The following PLEKHA6 variants were observed in gnomAD, a reference collection of about 807,000 sequenced individuals.
PLEKHA6 encodes pleckstrin homology domain containing A6.
In PLEKHA6, 60 loss-of-function variants were observed where a neutral mutation model predicts 116.7. The ratio of observed to expected loss-of-function variants is 0.51; its 90% CI spans 0.42 to 0.64. The LOEUF (loss-of-function observed/expected upper bound fraction) is 0.64. Ranked by LOEUF, PLEKHA6 falls within the 30% of genes least tolerant of loss-of-function variation. The pLI is 0.00. For missense variants in PLEKHA6, 1,338 were observed against 1,422.7 expected (o/e 0.94, Z 0.96); for synonymous variants, 489 against 556.1 (o/e 0.88, Z 1.70).
chr1:204,291,127 G>C (rs1255319416), intron 1 of PLEKHA6, among the ~76,000 whole-genome samples: 1 of 151,984 alleles, frequency 6.6e-6, no homozygotes, highest in African/African-American at 2.4e-5. Flanking sequence ...TATTAAGATA[G>C]CAAACAACAC....
chr1:204,302,335 A>T (rs1670898485), intron 1 of PLEKHA6, among the ~76,000 whole-genome samples: 1 of 152,184 alleles, frequency 6.6e-6, no homozygotes, highest in Admixed American at 6.5e-5. Context: ...AAGTCCAGGA[A>T]TATCCTTGTT....
At chr1:204,341,159 C>T (rs1672832902) in intron 1 of PLEKHA6, among the ~76,000 whole-genome samples, 1 of 152,210 alleles carries the variant, frequency 6.6e-6, no homozygotes, top group Admixed American at 6.5e-5. Flanking sequence ...TACCAGGCCC[C>T]CAGGAATCCT....
At chr1:204,371,667 C>T (rs1306803019) in intron 1 of PLEKHA6, 2 of 152,242 alleles carry the variant, frequency 1.3e-5, no homozygotes, top group Admixed American at 6.5e-5. Context: ...GCAGGACACT[C>T]ATCTCCAGAT....
At chr1:204,226,537 GCTAAACTA>G (rs1660393423) in intron 21 of PLEKHA6, among the ~76,000 whole-genome samples, 1 of 152,168 alleles carries the variant, frequency 6.6e-6, no homozygotes, top group Non-Finnish European at 1.5e-5. Flanking sequence ...TCATTTTGCA[GCTAAACTA>G]CAGGGAGGTT....
chr1:204,333,135 C>G (rs917555649), intron 1 of PLEKHA6, among the ~76,000 whole-genome samples: 5 of 152,186 alleles, frequency 3.3e-5, no homozygotes, highest in Non-Finnish European at 5.9e-5. Flanking sequence ...GCCAGAGGCC[C>G]CCAGCTCCAC....
intron 1 of PLEKHA6, among the ~76,000 whole-genome samples, chr1:204,348,018 C>T (rs1035966212): frequency 4.6e-5 from 7 of 152,262 alleles, no homozygotes; most frequent in African/African-American, 1.4e-4. Context: ...GAGCTAGAAA[C>T]GTACATCCAA....
intron 1 of PLEKHA6, among the ~76,000 whole-genome samples, chr1:204,288,512 G>A (rs1188882090): frequency 6.6e-6 from 1 of 152,212 alleles, no homozygotes. Context: ...TGCCTGGCGG[G>A]CCAATAGAGG....
In PLEKHA6 at chr1:204,248,822, G is replaced by C; in HGVS notation, c.1823C>G (p.Thr608Arg). 1.2e-6 allele frequency: 2 copies of C among 1,613,522 alleles called. No individual in the cohort carries two copies. The highest frequency in any genetic ancestry group is 1.7e-6 in the Non-Finnish European group (2 of 1,179,876). ...NIRVELSQAT[T>R]ALTNSTIEYE... ...CACGAACCCCGCTCCCTGGGTTACC[G>C]TGGTCGCCTGAGACAGCTCCACGCG... The change falls in exon 12 of 23, where the codon ACG becomes AGG. Residue 608 changes from threonine to arginine, a missense_variant and splice_region_variant. By Grantham distance (71) the Thr-to-Arg change is moderately conservative. Transcript: ENST00000272203.
intron 1 of PLEKHA6, among the ~76,000 whole-genome samples, chr1:204,302,714 TA>T (rs1312308926): frequency 6.6e-6 from 1 of 152,052 alleles, no homozygotes; most frequent in African/African-American, 2.4e-5. Context: ...CCATCTCTAC[TA>T]AAAATACAAA....
chr1:204,376,974 C>G (rs1673881255), intron 1 of PLEKHA6, among the ~76,000 whole-genome samples: 2 of 152,158 alleles, frequency 1.3e-5, no homozygotes, highest in Admixed American at 1.3e-4. Context: ...ATTAATATAA[C>G]AGTGCTAATA....
At chr1:204,294,159 G>C (rs1670042803) in intron 1 of PLEKHA6, among the ~76,000 whole-genome samples, 1 of 152,186 alleles carries the variant, frequency 6.6e-6, no homozygotes, top group East Asian at 1.9e-4. Flanking sequence ...TCTCCAGCCT[G>C]TCTCTCCTCC....
chr1:204,304,050 A>C (rs1435021470), intron 1 of PLEKHA6, among the ~76,000 whole-genome samples: 1 of 152,176 alleles, frequency 6.6e-6, no homozygotes, highest in Non-Finnish European at 1.5e-5. Flanking sequence ...AAGACCCACC[A>C]TTTCAAAAAT....
chr1:204,237,074 A>C (rs141043419), intron 17 of PLEKHA6, among the ~76,000 whole-genome samples: 145 of 152,320 alleles, frequency 9.5e-4, no homozygotes, highest in Non-Finnish European at 1.9e-3. Context: ...CTCTGAGCTG[A>C]TGTTGATTCC....
chr1:204,238,288 G>A lies in PLEKHA6; in HGVS notation c.2409+3087C>T, dbSNP rs754613768. ...GTGCTTGAGGTGTCAGTGACAGATC[G>A]GGATGCTGTTTGGAGCCTTTGGCAG... On this transcript the variant is annotated intron_variant, in intron 17 of 22. Transcript: ENST00000272203. This position sits in a 1 kb window ranked among gnomAD's most constrained non-coding sequence, Gnocchi z 4.2. 2.0e-5 allele frequency among the ~76,000 whole-genome samples: 3 copies of A among 152,174 alleles called. No individual in the cohort carries two copies. The highest frequency in any genetic ancestry group is 6.5e-5 in the Admixed American group (1 of 15,276).
chr1:204,334,150 C>A (rs1241209866), intron 1 of PLEKHA6, among the ~76,000 whole-genome samples: 1 of 152,160 alleles, frequency 6.6e-6, no homozygotes, highest in East Asian at 1.9e-4. Flanking sequence ...ATGCTTCGGT[C>A]CAGGTGCCTG....
chr1:204,247,774 T>C (rs1190273289), intron 12 of PLEKHA6, among the ~76,000 whole-genome samples: 4 of 151,932 alleles, frequency 2.6e-5, no homozygotes, highest in African/African-American at 7.3e-5. Context: ...CTGGGGAAAA[T>C]GACAAGACCC....
At chr1:204,317,254 G>C in intron 1 of PLEKHA6, 1 of 965,964 alleles carries the variant, frequency 1.0e-6, no homozygotes, top group Non-Finnish European at 1.2e-6. Flanking sequence ...ACAGCTAGCA[G>C]CCCTGGGTCC....
chr1:204,299,679 C>T, intron 1 of PLEKHA6: 1 of 983,368 alleles, frequency 1.0e-6, no homozygotes, highest in Non-Finnish European at 1.2e-6. Flanking sequence ...TCACAGTTCT[C>T]TCAGGCTAAG....
At chr1:204,287,288 T>C (rs914480470) in intron 1 of PLEKHA6, among the ~76,000 whole-genome samples, 1 of 151,070 alleles carries the variant, frequency 6.6e-6, no homozygotes, top group African/African-American at 2.4e-5. Context: ...CACAGAGAGA[T>C]AGCATCAGCT....
Sources: allele counts gnomAD v4.1 joint callset (sites outside exome capture counted in the v4.1 genomes callset), GRCh38; gene constraint gnomAD v4.1.1; non-coding constraint Gnocchi (gnomAD v3.1); transcripts MANE v1.5; gene names NCBI Gene and HGNC (gene_info 2026-07-23, HGNC 2026-07-21).